RGS14: variants seen among roughly 807,000 people sequenced by gnomAD.
RGS14 encodes regulator of G protein signaling 14, also known as regulator of G-protein signaling 14.
A neutral mutation model predicts 63.8 loss-of-function variants in RGS14; 33 were observed. The observed-to-expected ratio is 0.52, with a 90% confidence interval of 0.39 to 0.69. The LOEUF is 0.69. Among genes scored for constraint, RGS14 ranks in the 30% least tolerant of loss-of-function variants. The probability of loss-of-function intolerance (pLI) is 0.00; values close to 1 mark genes in which losing one functional copy is unlikely to be tolerated. For missense variants in RGS14, 739 were observed against 742.9 expected (o/e 0.99, Z 0.06); for synonymous variants, 296 against 320.9 (o/e 0.92, Z 0.83).
At position 177,359,768 on chromosome 5, in the gene RGS14, A is replaced by C. The variant is rs1330274726; in HGVS notation, c.45+1699A>C. The stretch of plus-strand genomic sequence containing the variant: ...ACTGAGTAGCTTCCCGTGGCCCTGC[A>C]CAGCTAGGGCAGGGAGGGCCAGACA... On this transcript the variant is annotated intron_variant, in intron 1 of 14. Coordinates refer to ENST00000408923, the MANE Select transcript of RGS14 (RefSeq NM_006480.5). The surrounding 1 kb of genome is among the most constrained non-coding windows in gnomAD (Gnocchi z 4.4). Among the ~76,000 whole-genome samples the C allele has an allele frequency of 6.6e-6, 1 of 152,208 alleles. No individual in the cohort carries two copies. Among genetic ancestry groups the C allele is most frequent in the Non-Finnish European group, 1.5e-5 (1 of 68,044 alleles).
rs1561617379 is a variant in RGS14 at position 177,368,918 on chromosome 5, C to G, written c.1051C>G (p.Gln351Glu). 1 of 1,614,130 alleles carries G rather than the reference C, an allele frequency of 6.2e-7. No homozygotes were observed. Among genetic ancestry groups the G allele is most frequent in the Non-Finnish European group, 8.5e-7 (1 of 1,179,950 alleles). The change falls in exon 9 of 15, where the codon CAG becomes GAG. Residue 351 changes from glutamine to glutamate, a missense_variant and splice_region_variant. Gln to Glu is a conservative substitution (Grantham distance 29). Transcript: ENST00000408923. Reference sequence around the variant, plus strand: ...CAAGGTCTACCTGGTGGGCAATGAACAGGTGGGAACGTGACCTGGCTCCAA... The same window carrying G: ...CAAGGTCTACCTGGTGGGCAATGAAGAGGTGGGAACGTGACCTGGCTCCAA... ...DIKVYLVGNE[Q>E]ALVLDQDCTV... is the part of the protein sequence containing the mutation.
rs1761892019 is a variant in RGS14, at chr5:177,358,944, T to C, written c.45+875T>C. 6.6e-6 allele frequency among the ~76,000 whole-genome samples: 1 copy of C among 152,194 alleles called. No homozygotes were observed. On this transcript the variant is annotated intron_variant, in intron 1 of 14. Coordinates refer to ENST00000408923, the MANE Select transcript of RGS14 (RefSeq NM_006480.5). The surrounding 1 kb of genome is among the most constrained non-coding windows in gnomAD (Gnocchi z 4.8). ...GTTCCAGTCCTGGTTCTATTCTCTC[T>C]TACTGGAGGGAGGGTCCTCGCCAGC...
chr5:177,363,352 C>A (rs996727608), intron 1 of RGS14, among the ~76,000 whole-genome samples: 16 of 152,160 alleles, frequency 1.1e-4, no homozygotes, highest in Admixed American at 5.9e-4. Context: ...CTGGGCCCGA[C>A]GCCCCGCCCA....
At chr5:177,367,207 G>A (rs908995994) in intron 5 of RGS14, 173 bp downstream of exon 5, 2 of 1,102,850 alleles carry the variant, frequency 1.8e-6, no homozygotes, top group Non-Finnish European at 2.5e-6. Context: ...TCAGAGGCAC[G>A]GGGAAGGACA....
chr5:177,361,814 T>A (rs567223040), intron 1 of RGS14, among the ~76,000 whole-genome samples: 2 of 152,182 alleles, frequency 1.3e-5, no homozygotes, highest in Admixed American at 6.5e-5. Context: ...CCGGCCGAGG[T>A]CCAAGCCTGG....
rs893259669 is a variant in RGS14 at position 177,371,153 on chromosome 5, C to T, written c.1255-12C>T. 3.7e-6 allele frequency: 6 copies of T among 1,608,570 alleles called. No homozygotes were observed. In the Admixed American group the frequency reaches 5.0e-5, roughly 13 times the overall value. On this transcript the variant is annotated splice_polypyrimidine_tract_variant and intron_variant, in intron 11 of 14. Coordinates refer to ENST00000408923, the MANE Select transcript of RGS14 (RefSeq NM_006480.5). This position sits in a 1 kb window ranked among gnomAD's most constrained non-coding sequence, Gnocchi z 6.1. Reference sequence around the variant, plus strand: ...GAGGCCTGTACCGCGGGCTGCTGACCTCTCCCCACAGCCAGGCGAGAAACA... The same window carrying T: ...GAGGCCTGTACCGCGGGCTGCTGACTTCTCCCCACAGCCAGGCGAGAAACA...
chr5:177,366,879 C>G lies in RGS14; in HGVS notation c.340-12C>G. ...GCTCCCTGACCAACTCCTCCTGTCC[C>G]TCCTCCTTCAGCTAGCTCAGGAGGC... On this transcript the variant is annotated splice_polypyrimidine_tract_variant and intron_variant, in intron 4 of 14. Coordinates refer to ENST00000408923, the MANE Select transcript of RGS14 (RefSeq NM_006480.5). 3.7e-6 allele frequency: 6 copies of G among 1,613,466 alleles called. No homozygotes were observed. Among genetic ancestry groups the G allele is most frequent in the Non-Finnish European group, 5.1e-6 (6 of 1,179,516 alleles).
intron 7 of RGS14, 156 bp from the exon 8 acceptor site, chr5:177,368,001 C>A: frequency 3.5e-6 from 5 of 1,444,260 alleles, no homozygotes; most frequent in Non-Finnish European, 3.6e-6. Flanking sequence ...AGACCTCAGA[C>A]GTTTGGAAAT....
At position 177,371,694 on chromosome 5, in the gene RGS14, C is replaced by A; in HGVS notation, c.1498+105C>A. On this transcript the variant is annotated intron_variant, in intron 14 of 14. Coordinates refer to ENST00000408923, the MANE Select transcript of RGS14 (RefSeq NM_006480.5). This position sits in a 1 kb window ranked among gnomAD's most constrained non-coding sequence, Gnocchi z 6.1. ...TGAGCTAAGGCAGGGGGCTGGGTGCCACTGGGCGTGGAACAGGAAGGATGG... is the reference window on the plus strand; with the variant it reads ...TGAGCTAAGGCAGGGGGCTGGGTGCAACTGGGCGTGGAACAGGAAGGATGG... 2 of 1,262,742 alleles carry A rather than the reference C, an allele frequency of 1.6e-6. No homozygotes were observed. The highest frequency in any genetic ancestry group is 2.3e-6 in the Non-Finnish European group (2 of 885,470). 78.2% of individuals were successfully genotyped at this position (1,262,742 alleles called of 1,614,324 possible). A position where few individuals can be genotyped will look rare whatever the true frequency, so the allele number is the denominator to read the frequency against.
rs1460894013 is a variant in RGS14 at position 177,367,742 on chromosome 5, T to A, written c.656T>A (p.Leu219Gln). Residue 219 changes from leucine to glutamine, a missense_variant, in exon 7 of 15, where the codon CTG becomes CAG. Physicochemically the swap from Leu to Gln is moderately radical, Grantham distance 113. Transcript: ENST00000408923. ...KKPKLKPGKS[L>Q]PLGVEELGQL... ...CCGAAGCTGAAGCCCGGGAAGTCGCTGCCGCTGGGTGTGGAGGAGTTGGGG... is the reference window on the plus strand; with the variant it reads ...CCGAAGCTGAAGCCCGGGAAGTCGCAGCCGCTGGGTGTGGAGGAGTTGGGG... The A allele has an allele frequency of 6.2e-7, 1 of 1,613,198 alleles. No individual in the cohort carries two copies. Among genetic ancestry groups the A allele is most frequent in the Admixed American group, 1.7e-5 (1 of 59,932 alleles).
In RGS14 at chr5:177,367,482, G is replaced by A. The variant is rs992357530; in HGVS notation, c.552G>A (p.Leu184=). The change falls in exon 6 of 15, where the codon CTG becomes CTA. Residue 184 remains leucine, a synonymous_variant. Transcript: ENST00000408923. The part of the protein sequence containing the change: ...FVKSPLYREC[L]LAEAEGRPLR... The stretch of plus-strand genomic sequence containing the variant: ...AGTCCCCGCTGTACCGCGAGTGCCT[G>A]CTAGCCGAAGCCGAGGGACGCCCTC... The A allele has an allele frequency of 1.2e-6, 2 of 1,612,792 alleles. No homozygotes were observed. The highest frequency in any genetic ancestry group is 1.7e-6 in the Non-Finnish European group (2 of 1,179,482).
Position 177,359,591 on chromosome 5 carries a change from G to T in RGS14, c.45+1522G>T, listed in dbSNP as rs1761912557. 6.6e-6 allele frequency among the ~76,000 whole-genome samples: 1 copy of T among 152,202 alleles called. No individual in the cohort carries two copies. Among genetic ancestry groups the T allele is most frequent in the Non-Finnish European group, 1.5e-5 (1 of 68,032 alleles). ...ACCTAGAGCAGGGAGGGTGCCCCAAGGTCTGCCCCCAGTTCCATCAAGCCC... is the reference window on the plus strand; with the variant it reads ...ACCTAGAGCAGGGAGGGTGCCCCAATGTCTGCCCCCAGTTCCATCAAGCCC... On this transcript the variant is annotated intron_variant, in intron 1 of 14. Coordinates refer to ENST00000408923, the MANE Select transcript of RGS14 (RefSeq NM_006480.5). The surrounding 1 kb of genome is among the most constrained non-coding windows in gnomAD (Gnocchi z 4.4).
At position 177,371,274 on chromosome 5, in the gene RGS14, T is replaced by A. The variant is rs1762260767; in HGVS notation, c.1336+28T>A. On this transcript the variant is annotated intron_variant, in intron 12 of 14. Transcript: ENST00000408923. This position sits in a 1 kb window ranked among gnomAD's most constrained non-coding sequence, Gnocchi z 6.1. ...AGGGGACGCTGGCCTCGGGGCTTGA[T>A]CTGGAACAGCTGTGGCCCAGGAGGA... The A allele has an allele frequency of 6.8e-6, 11 of 1,613,836 alleles. No homozygotes were observed. In the East Asian group the frequency reaches 2.5e-4, roughly 36 times the overall value.
intron 1 of RGS14, among the ~76,000 whole-genome samples, chr5:177,361,383 T>C (rs1463428206): frequency 6.6e-6 from 1 of 152,116 alleles, no homozygotes; most frequent in Admixed American, 6.5e-5. Context: ...CTGATCCCTC[T>C]AGAGGGCACA....
chr5:177,370,897 C>G lies in RGS14; in HGVS notation c.1128-8C>G. ...TCCGGCCCTCTGCTGCCCGAGGGTT[C>G]CTCGCAGGCTGGAGCTGACGGCGCT... On this transcript the variant is annotated splice_region_variant and splice_polypyrimidine_tract_variant and intron_variant, in intron 10 of 14. Transcript: ENST00000408923. 1 of 1,601,184 alleles carries G rather than the reference C, an allele frequency of 6.2e-7. No homozygotes were observed. Among genetic ancestry groups the G allele is most frequent in the South Asian group, 1.1e-5 (1 of 90,594 alleles).
Position 177,371,290 on chromosome 5 carries a change from C to T in RGS14, c.1336+44C>T, listed in dbSNP as rs756803694. ...GGGGCTTGATCTGGAACAGCTGTGGCCCAGGAGGAAGGGGGTCCAGGTGGG... is the reference window on the plus strand; with the variant it reads ...GGGGCTTGATCTGGAACAGCTGTGGTCCAGGAGGAAGGGGGTCCAGGTGGG... On this transcript the variant is annotated intron_variant, in intron 12 of 14. Coordinates refer to ENST00000408923, the MANE Select transcript of RGS14 (RefSeq NM_006480.5). This position sits in a 1 kb window ranked among gnomAD's most constrained non-coding sequence, Gnocchi z 6.1. 1.2e-6 allele frequency: 2 copies of T among 1,613,752 alleles called. No homozygotes were observed. Among genetic ancestry groups the T allele is most frequent in the Admixed American group, 1.7e-5 (1 of 59,992 alleles).
intron 1 of RGS14, among the ~76,000 whole-genome samples, chr5:177,360,709 C>A (rs746799753): frequency 9.2e-5 from 14 of 151,656 alleles, no homozygotes; most frequent in Admixed American, 3.3e-4. Context: ...GCCAAGAGAT[C>A]GAGACCATCC....
chr5:177,370,198 G>C (rs2127335757), intron 9 of RGS14, among the ~76,000 whole-genome samples: 1 of 152,364 alleles, frequency 6.6e-6, no homozygotes, highest in South Asian at 2.1e-4. Context: ...AATGCTTCCA[G>C]CTGGTCTGGT....
At chr5:177,367,663 G>T in intron 6 of RGS14, 51 bp from the exon 7 acceptor site, 1 of 1,594,692 alleles carries the variant, frequency 6.3e-7, no homozygotes, top group Non-Finnish European at 8.5e-7. Flanking sequence ...CCCACGGTCT[G>T]CATGCGGGCT....
Sources: gnomAD v4.1 joint callset for allele counts (sites outside exome capture counted in the v4.1 genomes callset) on GRCh38, gnomAD v4.1.1 for gene constraint, Gnocchi (gnomAD v3.1) non-coding constraint, MANE v1.5 for transcripts, NCBI Gene and HGNC (gene_info 2026-07-23, HGNC 2026-07-21) for gene names.